Variants in P2RY4 observed in about 807,000 individuals in gnomAD.
P2RY4 encodes pyrimidinergic receptor P2Y4, also known as P2Y purinoceptor 4.
For synonymous variants in P2RY4, 121 were observed against 131.6 expected, an observed-to-expected ratio of 0.92 and a Z score of 0.55; for missense variants, 291 against 308.5, an observed-to-expected ratio of 0.94 and a Z score of 0.42.
chrX:70,259,273 T>G lies in P2RY4; in HGVS notation c.352A>C (p.Asn118His). Residue 118 changes from asparagine to histidine, a missense_variant, in exon 1 of 1, where the codon AAC becomes CAC. Physicochemically the swap from Asn to His is moderately conservative, Grantham distance 68. Coordinates refer to ENST00000374519, the MANE Select transcript of P2RY4 (RefSeq NM_002565.4). ...CKFVRFLFYWNLYCSVLFLTC... is the reference protein window; with the variant it reads ...CKFVRFLFYWHLYCSVLFLTC... ...AGGAAAAGGACACTGCAGTAGAGGTTCCAATAGAAAAGAAAGCGGACGAAC... is the reference window on the plus strand; with the variant it reads ...AGGAAAAGGACACTGCAGTAGAGGTGCCAATAGAAAAGAAAGCGGACGAAC... 8.3e-7 allele frequency: 1 copy of G among 1,211,848 alleles called. No individual in the cohort carries two copies. Among genetic ancestry groups the G allele is most frequent in the African/African-American group, 1.7e-5 (1 of 57,843 alleles).
Position 70,259,835 on chromosome X carries a change from C to T in P2RY4, c.-211G>A. 3 of 437,398 alleles carry T rather than the reference C, an allele frequency of 6.9e-6. No homozygotes were observed. Among genetic ancestry groups the T allele is most frequent in the Non-Finnish European group, 4.0e-6 (1 of 247,196 alleles). The allele number at this position is 437,398 out of a possible 1,213,427, so 36.0% of individuals were successfully genotyped here. The stretch of plus-strand genomic sequence containing the variant: ...AGCTTGGGAAGTGGTGGGCAGCAGG[C>T]AGTGCTGGGGCTCAGGCAGGCAGCC... On this transcript the variant is annotated 5_prime_UTR_variant, in exon 1 of 1. Coordinates refer to ENST00000374519, the MANE Select transcript of P2RY4 (RefSeq NM_002565.4).
rs749263881 is a variant in P2RY4 at position 70,259,185 on chromosome X, C to T, written c.440G>A (p.Gly147Asp). Residue 147 changes from glycine to aspartate, a missense_variant, in exon 1 of 1, where the codon GGC becomes GAC. By Grantham distance (94) the Gly-to-Asp change is moderately conservative. Transcript: ENST00000374519. ...GAGAAGGCCTGCGAGGCGAGGGCGG[C>T]CCCAGCGTAGTGCCCGAAGTGGGTG... Reference protein sequence around the residue: ...ICHPLRALRWGRPRLAGLLCL... With the variant: ...ICHPLRALRWDRPRLAGLLCL... 1.6e-6 allele frequency: 2 copies of T among 1,212,135 alleles called. No individual in the cohort carries two copies. The highest frequency in any genetic ancestry group is 2.2e-6 in the Non-Finnish European group (2 of 895,578).
rs755808797 is a variant in P2RY4, at chrX:70,259,278, T to C, written c.347A>G (p.Tyr116Cys). The change falls in exon 1 of 1, where the codon TAT becomes TGT. Residue 116 changes from tyrosine to cysteine, a missense_variant. Transcript: ENST00000374519. ...AAGGACACTGCAGTAGAGGTTCCAA[T>C]AGAAAAGAAAGCGGACGAACTTGCA... ...EICKFVRFLF[Y>C]WNLYCSVLFL... The C allele has an allele frequency of 8.3e-7, 1 of 1,211,812 alleles. No homozygotes were observed. The highest frequency in any genetic ancestry group is 1.8e-5 in the South Asian group (1 of 56,987).
In P2RY4 at chrX:70,258,892, G is replaced by A. The variant is rs149438352; in HGVS notation, c.733C>T (p.Arg245Cys). The A allele has an allele frequency of 4.1e-6, 5 of 1,211,416 alleles. No homozygotes were observed. In the East Asian group the frequency reaches 8.9e-5, roughly 21 times the overall value. Residue 245 changes from arginine to cysteine, a missense_variant, in exon 1 of 1, where the codon CGC (arginine) becomes TGC (cysteine). Physicochemically the swap from Arg to Cys is radical, Grantham distance 180. Transcript: ENST00000374519. ...ACAGTCAGCACCACAGCTATGGTGC[G>A]GAGAGAGCGGAGGCGAGAAGACGAC... ...AQSSSRLRSL[R>C]TIAVVLTVFA...
rs1480209504 is a variant in P2RY4 at position 70,259,383 on chromosome X, T to C, written c.242A>G (p.Asp81Gly). 7.4e-6 allele frequency: 9 copies of C among 1,211,954 alleles called. No individual in the cohort carries two copies. The highest frequency in any genetic ancestry group is 1.0e-5 in the Non-Finnish European group (9 of 895,440). The change falls in exon 1 of 1, where the codon GAC becomes GGC. Residue 81 changes from aspartate to glycine, a missense_variant. Coordinates refer to ENST00000374519, the MANE Select transcript of P2RY4 (RefSeq NM_002565.4). ...ATYMFHLALS[D>G]TLYVLSLPTL... ...GGGCAGCGACAGCACATACAAGGTG[T>C]CTGACAATGCCAGGTGGAACATGTA... is the stretch of plus-strand genomic sequence containing the variant.
Position 70,258,171 on chromosome X carries a change from A to G in P2RY4, c.*356T>C, listed in dbSNP as rs777672777. The G allele has an allele frequency of 3.0e-5, 5 of 167,809 alleles. No individual in the cohort carries two copies. In the South Asian group the frequency reaches 1.1e-3, roughly 37 times the overall value. The allele number at this position is 167,809 out of a possible 1,213,427, so 13.8% of individuals were successfully genotyped here. On this transcript the variant is annotated 3_prime_UTR_variant, in exon 1 of 1. Transcript: ENST00000374519. ...TCTGCCTGATCCACCCCTTCAGCTGAATGCTCTGGTCTGGGTAGAGAAACA... is the reference window on the plus strand; with the variant it reads ...TCTGCCTGATCCACCCCTTCAGCTGGATGCTCTGGTCTGGGTAGAGAAACA...
At position 70,259,288 on chromosome X, in the gene P2RY4, A is replaced by G. The variant is rs1183311378; in HGVS notation, c.337T>C (p.Phe113Leu). The change falls in exon 1 of 1, where the codon TTT (phenylalanine) becomes CTT (leucine). Residue 113 changes from phenylalanine (F) to leucine (L), a missense_variant. Phe to Leu is a conservative substitution (Grantham distance 22). Transcript: ENST00000374519. ...CAGTAGAGGTTCCAATAGAAAAGAA[A>G]GCGGACGAACTTGCAGATCTCAGTG... ...FGTEICKFVRFLFYWNLYCSV... is the reference protein window; with the variant it reads ...FGTEICKFVRLLFYWNLYCSV... 9 of 1,211,160 alleles carry G rather than the reference A, an allele frequency of 7.4e-6. No homozygotes were observed. Among genetic ancestry groups the G allele is most frequent in the Non-Finnish European group, 1.0e-5 (9 of 895,389 alleles).
rs146718292 is a variant in P2RY4 at position 70,259,295 on chromosome X, G to A, written c.330C>T (p.Phe110=). Residue 110 remains phenylalanine (F), a synonymous_variant, in exon 1 of 1, where the codon TTC becomes TTT. Coordinates refer to ENST00000374519, the MANE Select transcript of P2RY4 (RefSeq NM_002565.4). The stretch of plus-strand genomic sequence containing the variant: ...GGTTCCAATAGAAAAGAAAGCGGAC[G>A]AACTTGCAGATCTCAGTGCCAAAGG... ...HWPFGTEICK[F]VRFLFYWNLY... 72 of 1,210,963 alleles carry A rather than the reference G, an allele frequency of 5.9e-5. No homozygotes were observed. Among genetic ancestry groups the A allele is most frequent in the African/African-American group, 1.2e-4 (7 of 57,558 alleles).
chrX:70,258,791 G>A lies in P2RY4; in HGVS notation c.834C>T (p.Cys278=). 1.7e-6 allele frequency: 2 copies of A among 1,212,018 alleles called. No individual in the cohort carries two copies. The highest frequency in any genetic ancestry group is 1.1e-6 in the Non-Finnish European group (1 of 895,472). ...YYLARLLEAD[C]RVLNIVNVVY... is the part of the protein sequence containing the mutation. Reference sequence around the variant, plus strand: ...CCACGTTGACAATGTTCAGTACTCGGCAGTCAGCTTCCAACAGCCTGGCCA... The same window carrying A: ...CCACGTTGACAATGTTCAGTACTCGACAGTCAGCTTCCAACAGCCTGGCCA... Residue 278 remains cysteine (C), a synonymous_variant, in exon 1 of 1, where the codon TGC becomes TGT. Transcript: ENST00000374519.
rs1327522400 is a variant in P2RY4 at position 70,258,810 on chromosome X, C to A, written c.815G>T (p.Arg272Met). The A allele has an allele frequency of 8.3e-7, 1 of 1,210,651 alleles. No individual in the cohort carries two copies. The highest frequency in any genetic ancestry group is 3.0e-5 in the East Asian group (1 of 33,791). Residue 272 changes from arginine to methionine, a missense_variant, in exon 1 of 1, where the codon AGG becomes ATG. Physicochemically the swap from Arg to Met is moderately conservative, Grantham distance 91. Coordinates refer to ENST00000374519, the MANE Select transcript of P2RY4 (RefSeq NM_002565.4). ...TACTCGGCAGTCAGCTTCCAACAGC[C>A]TGGCCAGGTAGTAAATGGTGCGGGT... is the stretch of plus-strand genomic sequence containing the variant. Reference protein sequence around the residue: ...HITRTIYYLARLLEADCRVLN... With the variant: ...HITRTIYYLAMLLEADCRVLN...
chrX:70,258,686 A>C lies in P2RY4; in HGVS notation c.939T>G (p.Tyr313Ter). The change falls in exon 1 of 1, where the codon TAT (tyrosine) becomes TAG (stop). Residue 313 changes from tyrosine (Y) to a stop codon, truncating the protein, a stop_gained. Coordinates refer to ENST00000374519, the MANE Select transcript of P2RY4 (RefSeq NM_002565.4). LOFTEE classifies it low-confidence loss of function (END_TRUNC). ...PVLYLLTGDKYRRQLRQLCGG... is the reference protein window; with the variant it reads ...PVLYLLTGDK ...CACAGAGCTGACGGAGCTGACGTCG[A>C]TATTTGTCCCCAGTGAGCAAGTAGA... 8.3e-7 allele frequency: 1 copy of C among 1,211,850 alleles called. No homozygotes were observed. Among genetic ancestry groups the C allele is most frequent in the African/African-American group, 1.7e-5 (1 of 57,896 alleles).
Position 70,260,151 on chromosome X carries a change from C to T in P2RY4, c.-527G>A, listed in dbSNP as rs765271693. ...CCCCATTGCCACCCTTGCCCAAGAA[C>T]GTTGGCACATCTCCTACCTGGTCCC... On this transcript the variant is annotated 5_prime_UTR_variant, in exon 1 of 1. Transcript: ENST00000374519. Among the ~76,000 whole-genome samples the T allele has an allele frequency of 9.0e-5, 10 of 111,625 alleles. No individual in the cohort carries two copies. In the South Asian group the frequency reaches 3.4e-3, roughly 38 times the overall value.
At position 70,258,983 on chromosome X, in the gene P2RY4, C is replaced by A. The variant is rs2085582550; in HGVS notation, c.642G>T (p.Leu214=). The A allele has an allele frequency of 8.3e-7, 1 of 1,210,218 alleles. No individual in the cohort carries two copies. Among genetic ancestry groups the A allele is most frequent in the Admixed American group, 2.2e-5 (1 of 45,863 alleles). The change falls in exon 1 of 1, where the codon CTG becomes CTT. Residue 214 remains leucine, a synonymous_variant. Coordinates refer to ENST00000374519, the MANE Select transcript of P2RY4 (RefSeq NM_002565.4). ...VMGLLFGVPC[L]VTLVCYGLMA... ...TGAGTCCATAGCAAACAAGAGTGAC[C>A]AGGCAGGGCACGCCAAAGAGCAGCC...
At position 70,258,515 on chromosome X, in the gene P2RY4, C is replaced by T. The variant is rs769285540; in HGVS notation, c.*12G>A. 38 of 1,172,731 alleles carry T rather than the reference C, an allele frequency of 3.2e-5. No homozygotes were observed. Among genetic ancestry groups the T allele is most frequent in the African/African-American group, 7.1e-5 (4 of 56,367 alleles). On this transcript the variant is annotated 3_prime_UTR_variant, in exon 1 of 1. Coordinates refer to ENST00000374519, the MANE Select transcript of P2RY4 (RefSeq NM_002565.4). Reference sequence around the variant, plus strand: ...ACTCATCCCCTTTTCTCTCACTTCCCGGCTTCCCGTGTTACAATCTATCTG... The same window carrying T: ...ACTCATCCCCTTTTCTCTCACTTCCTGGCTTCCCGTGTTACAATCTATCTG...
At position 70,259,360 on chromosome X, in the gene P2RY4, G is replaced by A; in HGVS notation, c.265C>T (p.Pro89Ser). ...GCTGCATAATAGTAGATGAGGGTGG[G>A]CAGCGACAGCACATACAAGGTGTCT... ...LSDTLYVLSLPTLIYYYAAHN... is the reference protein window; with the variant it reads ...LSDTLYVLSLSTLIYYYAAHN... The change falls in exon 1 of 1, where the codon CCC becomes TCC. Residue 89 changes from proline (P) to serine (S), a missense_variant. Transcript: ENST00000374519. The A allele has an allele frequency of 8.3e-7, 1 of 1,211,917 alleles. No individual in the cohort carries two copies. The highest frequency in any genetic ancestry group is 1.1e-6 in the Non-Finnish European group (1 of 895,383).
Sources: gnomAD v4.1 joint callset for allele counts (sites outside exome capture counted in the v4.1 genomes callset) on GRCh38, gnomAD v4.1.1 for gene constraint, MANE v1.5 for transcripts, NCBI Gene and HGNC (gene_info 2026-07-23, HGNC 2026-07-21) for gene names.